ADGRL2: variants seen among roughly 807,000 people sequenced by gnomAD.
ADGRL2 encodes adhesion G protein-coupled receptor L2.
A neutral mutation model predicts 157.4 loss-of-function variants in ADGRL2; 44 were observed. The observed-to-expected ratio is 0.28, with a 90% CI of 0.22 to 0.36. The LOEUF is 0.36. ADGRL2 is among the 10% of genes least tolerant of loss of function. The probability of loss-of-function intolerance (pLI) is 1.00; values close to 1 mark genes in which losing one functional copy is unlikely to be tolerated. For missense variants in ADGRL2, 1,510 were observed against 1,768.9 expected (o/e 0.85, Z 2.63); for synonymous variants, 585 against 624.7 (o/e 0.94, Z 0.95).
chr1:81,460,070 T>C (rs947232029), intron 2 of ADGRL2, among the ~76,000 whole-genome samples: 1 of 151,970 alleles, frequency 6.6e-6, no homozygotes, highest in African/African-American at 2.4e-5. Context: ...TCATTGTGGT[T>C]TTGATTTGTA....
At position 81,657,005 on chromosome 1, in the gene ADGRL2, G is replaced by C. The variant is rs2082548399; in HGVS notation, c.-143+76025G>C. ...AGCCTAGGTGATGGAGTGAGACCCTGTCTCAAAAAAAAAAAAAAAAAAAAT... is the reference window on the plus strand; with the variant it reads ...AGCCTAGGTGATGGAGTGAGACCCTCTCTCAAAAAAAAAAAAAAAAAAAAT... On this transcript the variant is annotated intron_variant, in intron 3 of 24. Coordinates refer to the ADGRL2 transcript ENST00000370721. Among the ~76,000 whole-genome samples the C allele has an allele frequency of 3.4e-5, 3 of 88,450 alleles. No individual in the cohort carries two copies. The Admixed American group carries it at 3.8e-4, about 11-fold the overall frequency. 58.0% of individuals were successfully genotyped at this position (88,450 alleles called of 152,430 possible).
chr1:81,573,365 C>T (rs970766429), intron 2 of ADGRL2, among the ~76,000 whole-genome samples: 2 of 152,040 alleles, frequency 1.3e-5, no homozygotes, highest in African/African-American at 4.8e-5. Flanking sequence ...CCTTTTTCCT[C>T]TCCTTGTTTC....
At chr1:81,709,041 A>G (rs1362910296) in intron 1 of ADGRL2, among the ~76,000 whole-genome samples, 1 of 152,164 alleles carries the variant, frequency 6.6e-6, no homozygotes, top group Non-Finnish European at 1.5e-5. Context: ...CTAGGTTACT[A>G]TAGTTCATCG....
At chr1:81,865,872 A>G (rs967857709) in intron 2 of ADGRL2, among the ~76,000 whole-genome samples, 6 of 152,238 alleles carry the variant, frequency 3.9e-5, no homozygotes, top group Admixed American at 3.9e-4. Context: ...GGTAAAAGTG[A>G]CAGCAGTTTT....
intron 2 of ADGRL2, among the ~76,000 whole-genome samples, chr1:81,848,412 G>A (rs1418940254): frequency 6.6e-6 from 1 of 151,784 alleles, no homozygotes; most frequent in East Asian, 1.9e-4. Context: ...ACTAAGGCCT[G>A]CAGATTGTTC....
chr1:81,352,265 T>G (rs1004239029), intron 1 of ADGRL2, among the ~76,000 whole-genome samples: 10 of 152,188 alleles, frequency 6.6e-5, no homozygotes, highest in African/African-American at 1.9e-4. Context: ...TCTCAACATA[T>G]CAGTGGACAT....
chr1:81,720,126 T>A (rs1463780158), intron 1 of ADGRL2, among the ~76,000 whole-genome samples: 2 of 151,738 alleles, frequency 1.3e-5, no homozygotes, highest in Non-Finnish European at 2.9e-5. Context: ...ACAGACATTT[T>A]AAAAAAAGTA....
chr1:81,987,978 G>C (rs187426989), intron 23 of ADGRL2, 92 bp downstream of exon 23: 1 of 269,466 alleles, frequency 3.7e-6, no homozygotes, highest in East Asian at 1.4e-4. Context: ...TAGCAGTCAT[G>C]AAGTAGACTC....
At chr1:81,903,589 T>A (rs549485075) in intron 2 of ADGRL2, among the ~76,000 whole-genome samples, 1 of 151,812 alleles carries the variant, frequency 6.6e-6, no homozygotes, top group South Asian at 2.1e-4. Context: ...TTTTTTATGT[T>A]GTTGAACATA....
At chr1:81,616,679 CTTTTT>C (rs1164087131) in intron 3 of ADGRL2, among the ~76,000 whole-genome samples, 1 of 105,988 alleles carries the variant, frequency 9.4e-6, no homozygotes, top group South Asian at 3.1e-4. Flanking sequence ...CTTTTCTTTT[CTTTTT>C]TTTTTTTTTT....
At chr1:81,632,774 T>C (rs2082038385) in intron 3 of ADGRL2, among the ~76,000 whole-genome samples, 1 of 148,728 alleles carries the variant, frequency 6.7e-6, no homozygotes. Flanking sequence ...AAAAAAGTCA[T>C]TGTGGGCAGA....
Position 81,913,569 on chromosome 1 carries a change from T to C in ADGRL2, c.287+6339T>C, listed in dbSNP as rs1173264314. Among the ~76,000 whole-genome samples, 8 of 152,302 alleles carry C rather than the reference T, an allele frequency of 5.3e-5. No homozygotes were observed. In the East Asian group the frequency reaches 1.5e-3, roughly 29 times the overall value. ...GAGAGTTTATAGGCCATGGCTTCTA[T>C]TTTAAGGGAGTTATTGAGATTGTTA... On this transcript the variant is annotated intron_variant, in intron 3 of 23. Transcript: ENST00000686636.
At chr1:81,965,010 G>A (rs149718924) in intron 11 of ADGRL2, among the ~76,000 whole-genome samples, 14 of 152,204 alleles carry the variant, frequency 9.2e-5, no homozygotes, top group African/African-American at 3.4e-4. Flanking sequence ...ATTCCCAGCA[G>A]ACAGTAAACA....
intron 1 of ADGRL2, among the ~76,000 whole-genome samples, chr1:81,713,625 T>C (rs1037895701): frequency 6.6e-6 from 1 of 152,192 alleles, no homozygotes. Context: ...TTGTCCCCAT[T>C]TGTGTATGTA....
At chr1:81,490,032 G>A in intron 2 of ADGRL2, among the ~76,000 whole-genome samples, 1 of 151,632 alleles carries the variant, frequency 6.6e-6, no homozygotes, top group East Asian at 1.9e-4. Flanking sequence ...TCTCAATAAA[G>A]GTAAATATGT....
intron 3 of ADGRL2, among the ~76,000 whole-genome samples, chr1:81,585,077 G>A (rs1484567709): frequency 6.6e-6 from 1 of 152,134 alleles, no homozygotes; most frequent in Non-Finnish European, 1.5e-5. Flanking sequence ...GCAATCAACT[G>A]TATTTGTGGG....
chr1:81,921,060 A>G (rs374190321), intron 3 of ADGRL2, among the ~76,000 whole-genome samples: 13 of 152,274 alleles, frequency 8.5e-5, no homozygotes, highest in African/African-American at 2.9e-4. Flanking sequence ...TGCCTTGGCT[A>G]TAGAGGTTTA....
At chr1:81,824,635 A>G (rs761762938) in intron 1 of ADGRL2, among the ~76,000 whole-genome samples, 3 of 152,166 alleles carry the variant, frequency 2.0e-5, no homozygotes, top group Non-Finnish European at 2.9e-5. Flanking sequence ...AGATAACCCA[A>G]TAGCAACTAC....
At chr1:81,457,697 T>A (rs1250727616) in intron 2 of ADGRL2, among the ~76,000 whole-genome samples, 2 of 152,224 alleles carry the variant, frequency 1.3e-5, no homozygotes, top group African/African-American at 4.8e-5. Context: ...TTTTTAAATT[T>A]TGGATTTGTA....
Sources: allele counts gnomAD v4.1 joint callset (sites outside exome capture counted in the v4.1 genomes callset), GRCh38; gene constraint gnomAD v4.1.1; transcripts MANE v1.5; gene names NCBI Gene and HGNC (gene_info 2026-07-23, HGNC 2026-07-21).